The following MAN1C1 variants were observed in gnomAD, a reference collection of about 807,000 sequenced individuals.
MAN1C1 encodes the protein mannosyl-oligosaccharide 1,2-alpha-mannosidase IC.
In MAN1C1, 49 loss-of-function variants were observed where a neutral mutation model predicts 71.5. The observed-to-expected ratio is 0.69, with a 90% confidence interval of 0.54 to 0.87. The LOEUF is 0.87. Ranked by LOEUF, MAN1C1 falls within the 40% of genes least tolerant of loss-of-function variation. The pLI, the probability that MAN1C1 is intolerant of heterozygous loss-of-function variation, is 0.00. For synonymous variants in MAN1C1, 352 were observed against 343.7 expected, an observed-to-expected ratio of 1.02 and a Z score of -0.27; for missense variants, 743 against 835.0, an observed-to-expected ratio of 0.89 and a Z score of 1.36.
chr1:25,740,116 G>A (rs989455062), intron 2 of MAN1C1, among the ~76,000 whole-genome samples: 3 of 152,172 alleles, frequency 2.0e-5, no homozygotes, highest in Non-Finnish European at 2.9e-5. Context: ...AAGCAGATCC[G>A]TGCGTGATGC....
Position 25,746,577 on chromosome 1 carries a change from C to A in MAN1C1, c.638-91C>A. 1.0e-6 allele frequency: 1 copy of A among 993,882 alleles called. No homozygotes were observed. Among genetic ancestry groups the A allele is most frequent in the Non-Finnish European group, 1.6e-6 (1 of 636,854 alleles). 61.6% of individuals were successfully genotyped at this position (993,882 alleles called of 1,614,324 possible). A position where few individuals can be genotyped will look rare whatever the true frequency, so the allele number is the denominator to read the frequency against. ...GCCTTTGCCACCAAGCCTGCGCTGG[C>A]ATTGGAGGGGCCCTGAGAACGGTGG... On this transcript the variant is annotated intron_variant, in intron 2 of 11. Coordinates refer to ENST00000374332, the MANE Select transcript of MAN1C1 (RefSeq NM_020379.4). The surrounding 1 kb of genome is among the most constrained non-coding windows in gnomAD (Gnocchi z 4.0).
At chr1:25,749,085 G>A (rs1250834153) in intron 3 of MAN1C1, among the ~76,000 whole-genome samples, 170 bp from the exon 4 acceptor site, 1 of 152,344 alleles carries the variant, frequency 6.6e-6, no homozygotes, top group Non-Finnish European at 1.5e-5. Context: ...GTTCTGCCAG[G>A]CAGGTGCAGA....
chr1:25,660,348 C>T lies in MAN1C1; in HGVS notation c.541-26092C>T, dbSNP rs568521980. Among the ~76,000 whole-genome samples, 43 of 149,024 alleles carry T rather than the reference C, an allele frequency of 2.9e-4. No homozygotes were observed. In the Middle Eastern group the frequency reaches 0.014, roughly 49 times the overall value. Reference sequence around the variant, plus strand: ...CTTGGGAGACAGAGGTTGCGGTGAGCTGAGATCGCGCCATTGCACTCTAGC... The same window carrying T: ...CTTGGGAGACAGAGGTTGCGGTGAGTTGAGATCGCGCCATTGCACTCTAGC... On this transcript the variant is annotated intron_variant, in intron 1 of 11. Transcript: ENST00000374332.
intron 4 of MAN1C1, among the ~76,000 whole-genome samples, chr1:25,750,898 G>A (rs760993405): frequency 9.9e-5 from 15 of 152,188 alleles, no homozygotes; most frequent in Non-Finnish European, 1.6e-4. Context: ...CAGGGCTCTC[G>A]GGGCGGTTTG....
In MAN1C1 at chr1:25,753,644, TG is replaced by T; in HGVS notation, c.929+69del. 3 of 1,466,656 alleles carry T rather than the reference TG, an allele frequency of 2.0e-6. No homozygotes were observed. In the Admixed American group the frequency reaches 5.5e-5, roughly 27 times the overall value. The allele number at this position is 1,466,656 out of a possible 1,614,324, so 90.9% of individuals were successfully genotyped here. A position where few individuals can be genotyped will look rare whatever the true frequency, so the allele number is the denominator to read the frequency against. On this transcript the variant is annotated intron_variant, in intron 5 of 11. Coordinates refer to ENST00000374332, the MANE Select transcript of MAN1C1 (RefSeq NM_020379.4). The surrounding 1 kb of genome is among the most constrained non-coding windows in gnomAD (Gnocchi z 4.9). ...CCATGCCCACCATTTGTGTTTTGTC[TG>T]GGTGGTGCTGGTGAGGAGGCTCCAG...
chr1:25,628,190 T>C (rs550650939), intron 1 of MAN1C1, among the ~76,000 whole-genome samples: 41 of 152,306 alleles, frequency 2.7e-4, no homozygotes, highest in African/African-American at 9.9e-4. Context: ...GTGTTTTGAA[T>C]AGTGTTTATG....
intron 1 of MAN1C1, among the ~76,000 whole-genome samples, chr1:25,623,519 A>G (rs1291278380): frequency 6.6e-6 from 1 of 152,224 alleles, no homozygotes; most frequent in Non-Finnish European, 1.5e-5. Context: ...TCCGAGTTCA[A>G]GAAATGCTTT....
At chr1:25,698,441 C>T (rs994376404) in intron 2 of MAN1C1, among the ~76,000 whole-genome samples, 3 of 152,174 alleles carry the variant, frequency 2.0e-5, no homozygotes, top group African/African-American at 7.2e-5. Context: ...ACCGTTCCTT[C>T]ATGCGGGTGG....
chr1:25,783,564 G>T, intron 11 of MAN1C1, 99 bp from the exon 12 acceptor site: 1 of 1,370,402 alleles, frequency 7.3e-7, no homozygotes, highest in Non-Finnish European at 1.0e-6. Context: ...TTGACCATAG[G>T]CCTATCACAA....
At chr1:25,683,224 A>G (rs140665093) in intron 1 of MAN1C1, among the ~76,000 whole-genome samples, 11 of 152,212 alleles carry the variant, frequency 7.2e-5, no homozygotes, top group African/African-American at 2.4e-4. Flanking sequence ...TGTGCCCCTC[A>G]TAGTCCTACC....
Position 25,783,872 on chromosome 1 carries a change from G to A in MAN1C1, c.*83G>A, listed in dbSNP as rs2047732526. On this transcript the variant is annotated 3_prime_UTR_variant, in exon 12 of 12. Coordinates refer to ENST00000374332, the MANE Select transcript of MAN1C1 (RefSeq NM_020379.4). ...TTGAGACTGTTCTCAAAGGGATTGG[G>A]AACGAAGGCCCCATCTCGGGCAGAC... is the stretch of plus-strand genomic sequence containing the variant. The A allele has an allele frequency of 1.3e-6, 2 of 1,521,348 alleles. No individual in the cohort carries two copies. Among genetic ancestry groups the A allele is most frequent in the Admixed American group, 1.9e-5 (1 of 52,560 alleles). The allele number at this position is 1,521,348 out of a possible 1,614,324, so 94.2% of individuals were successfully genotyped here.
chr1:25,725,053 G>T lies in MAN1C1; in HGVS notation c.638-21615G>T, dbSNP rs1314086297. Among the ~76,000 whole-genome samples the T allele has an allele frequency of 1.3e-5, 2 of 152,208 alleles. No homozygotes were observed. Among genetic ancestry groups the T allele is most frequent in the Non-Finnish European group, 2.9e-5 (2 of 68,040 alleles). On this transcript the variant is annotated intron_variant, in intron 2 of 11. Coordinates refer to ENST00000374332, the MANE Select transcript of MAN1C1 (RefSeq NM_020379.4). This position sits in a 1 kb window ranked among gnomAD's most constrained non-coding sequence, Gnocchi z 4.8. The stretch of plus-strand genomic sequence containing the variant: ...GTCTATAACACCAACCCAGAGATAA[G>T]CATTTCAATTGGGAAATGTAATTAG...
At position 25,784,011 on chromosome 1, in the gene MAN1C1, T is replaced by G; in HGVS notation, c.*222T>G. 1 of 491,750 alleles carries G rather than the reference T, an allele frequency of 2.0e-6. No individual in the cohort carries two copies. The allele number at this position is 491,750 out of a possible 1,614,324, so 30.5% of individuals were successfully genotyped here. On this transcript the variant is annotated 3_prime_UTR_variant, in exon 12 of 12. Coordinates refer to ENST00000374332, the MANE Select transcript of MAN1C1 (RefSeq NM_020379.4). ...CCACACTGGCCCACACATTCCTTTCTACAGAGAATTTCTATGAAGCCCACT... is the reference window on the plus strand; with the variant it reads ...CCACACTGGCCCACACATTCCTTTCGACAGAGAATTTCTATGAAGCCCACT...
intron 1 of MAN1C1, among the ~76,000 whole-genome samples, chr1:25,647,824 G>GTGGGT (rs1398952559): frequency 1.3e-5 from 2 of 152,208 alleles, no homozygotes; most frequent in Non-Finnish European, 2.9e-5. Context: ...TTGAATGCAT[G>GTGGGT]TGGGTTGTGA....
At chr1:25,642,123 G>A (rs1461207412) in intron 1 of MAN1C1, among the ~76,000 whole-genome samples, 1 of 152,188 alleles carries the variant, frequency 6.6e-6, no homozygotes, top group Non-Finnish European at 1.5e-5. Flanking sequence ...ATAAACAGCT[G>A]AAATGAAAAT....
At chr1:25,755,078 G>A (rs2047267978) in intron 5 of MAN1C1, among the ~76,000 whole-genome samples, 1 of 152,194 alleles carries the variant, frequency 6.6e-6, no homozygotes, top group Non-Finnish European at 1.5e-5. Flanking sequence ...CTCGCTGTGG[G>A]CAGCCCCAAC....
rs529486434 is a variant in MAN1C1 at position 25,740,647 on chromosome 1, A to G, written c.638-6021A>G. Reference sequence around the variant, plus strand: ...GAGACGGGGTTTCACTGTGTTAGCCAGGATGGTCTCGATCTCCTGACCTCG... The same window carrying G: ...GAGACGGGGTTTCACTGTGTTAGCCGGGATGGTCTCGATCTCCTGACCTCG... On this transcript the variant is annotated intron_variant, in intron 2 of 11. Transcript: ENST00000374332. Among the ~76,000 whole-genome samples the G allele has an allele frequency of 4.6e-5, 7 of 152,244 alleles. No homozygotes were observed. In the East Asian group the frequency reaches 1.4e-3, roughly 29 times the overall value.
chr1:25,632,305 A>G (rs1239682746), intron 1 of MAN1C1, among the ~76,000 whole-genome samples: 1 of 152,192 alleles, frequency 6.6e-6, no homozygotes, highest in Non-Finnish European at 1.5e-5. Context: ...AGATGTTTGT[A>G]GTAGTCACGA....
At chr1:25,657,479 G>C (rs559328657) in intron 1 of MAN1C1, among the ~76,000 whole-genome samples, 6 of 152,332 alleles carry the variant, frequency 3.9e-5, no homozygotes, top group Non-Finnish European at 8.8e-5. Flanking sequence ...CTACCTTCTA[G>C]TGAATCATCC....
Sources: gnomAD v4.1 joint callset for allele counts (sites outside exome capture counted in the v4.1 genomes callset) on GRCh38, gnomAD v4.1.1 for gene constraint, Gnocchi (gnomAD v3.1) non-coding constraint, MANE v1.5 for transcripts, NCBI Gene and HGNC (gene_info 2026-07-23, HGNC 2026-07-21) for gene names.